SORCS2: variants seen among roughly 807,000 people sequenced by gnomAD.
SORCS2 encodes VPS10 domain-containing receptor SorCS2.
Under a neutral mutation model 141.6 loss-of-function variants are expected in SORCS2, and 100 were observed. The ratio of observed to expected loss-of-function variants is 0.71; its 90% CI spans 0.60 to 0.83. The LOEUF is 0.83. Among genes scored for constraint, SORCS2 ranks in the 40% least tolerant of loss-of-function variants. SORCS2 has a pLI of 0.00. For missense variants in SORCS2, 1,646 were observed against 1,560.2 expected, an observed-to-expected ratio of 1.05 and a Z score of -0.93; for synonymous variants, 789 against 676.9, an observed-to-expected ratio of 1.17 and a Z score of -2.57.
chr4:7,337,003 C>T (rs1243561022), intron 1 of SORCS2, among the ~76,000 whole-genome samples: 3 of 152,156 alleles, frequency 2.0e-5, no homozygotes, highest in East Asian at 1.9e-4. Context: ...AGCTGACTTA[C>T]GTCAGAGTGC....
chr4:7,502,367 T>C (rs539238088), intron 2 of SORCS2, among the ~76,000 whole-genome samples: 5 of 152,284 alleles, frequency 3.3e-5, no homozygotes, highest in South Asian at 4.1e-4. Flanking sequence ...ATGGGGCTGA[T>C]TGATGATTCT....
At chr4:7,681,347 C>T (rs1723514846) in intron 9 of SORCS2, among the ~76,000 whole-genome samples, 1 of 152,098 alleles carries the variant, frequency 6.6e-6, no homozygotes, top group African/African-American at 2.4e-5. Flanking sequence ...GGATCCTTAA[C>T]ATTGGAAGAG....
intron 1 of SORCS2, among the ~76,000 whole-genome samples, chr4:7,319,705 C>T (rs576818000): frequency 7.0e-4 from 107 of 152,212 alleles, no homozygotes; most frequent in African/African-American, 2.1e-3. Context: ...CAAAGTAAGA[C>T]CCCACCTCTA....
chr4:7,303,791 G>C (rs1485434902), intron 1 of SORCS2, among the ~76,000 whole-genome samples: 1 of 152,252 alleles, frequency 6.6e-6, no homozygotes, highest in Non-Finnish European at 1.5e-5. Context: ...AGCGCAGGAC[G>C]CAGACCTCGG....
intron 3 of SORCS2, among the ~76,000 whole-genome samples, chr4:7,624,487 T>C (rs1719398486): frequency 6.6e-6 from 1 of 152,248 alleles, no homozygotes; most frequent in Non-Finnish European, 1.5e-5. Flanking sequence ...GCCACAATAC[T>C]ATCTTGGCTT....
intron 12 of SORCS2, among the ~76,000 whole-genome samples, chr4:7,702,271 G>A (rs558932912): frequency 6.6e-6 from 1 of 152,344 alleles, no homozygotes; most frequent in East Asian, 1.9e-4. Context: ...CACTTTCGAG[G>A]AGGGGCGGTA....
intron 1 of SORCS2, among the ~76,000 whole-genome samples, chr4:7,291,606 G>T (rs920908971): frequency 2.0e-5 from 3 of 152,160 alleles, no homozygotes; most frequent in Admixed American, 2.0e-4. Context: ...GTCAGTGCTC[G>T]GTCAACTGCA....
Position 7,193,209 on chromosome 4 carries a change from C to T in SORCS2, c.480+83C>T. 1 of 1,356,738 alleles carries T rather than the reference C, an allele frequency of 7.4e-7. No individual in the cohort carries two copies. Among genetic ancestry groups the T allele is most frequent in the Non-Finnish European group, 9.5e-7 (1 of 1,056,742 alleles). The allele number at this position is 1,356,738 out of a possible 1,614,324, so 84.0% of individuals were successfully genotyped here. On this transcript the variant is annotated intron_variant, in intron 1 of 26. Transcript: ENST00000507866. The surrounding 1 kb of genome is among the most constrained non-coding windows in gnomAD (Gnocchi z 4.8). Reference sequence around the variant, plus strand: ...GGCGGGACCGCCACGGCCCCCACCCCAGATCCCCACTATGGTCATCAGGGG... The same window carrying T: ...GGCGGGACCGCCACGGCCCCCACCCTAGATCCCCACTATGGTCATCAGGGG...
intron 4 of SORCS2, among the ~76,000 whole-genome samples, chr4:7,653,776 C>T (rs1721581280): frequency 6.6e-6 from 1 of 152,210 alleles, no homozygotes; most frequent in South Asian, 2.1e-4. Flanking sequence ...CTGCTCCAGC[C>T]CTGGCAACAC....
At chr4:7,517,011 G>A (rs1348496958) in intron 2 of SORCS2, among the ~76,000 whole-genome samples, 1 of 152,216 alleles carries the variant, frequency 6.6e-6, no homozygotes, top group Non-Finnish European at 1.5e-5. Context: ...GGTGTTGAAG[G>A]GACTCAACGA....
chr4:7,654,255 G>C, intron 5 of SORCS2, 48 bp downstream of exon 5: 1 of 1,538,534 alleles, frequency 6.5e-7, no homozygotes, highest in South Asian at 1.2e-5. Flanking sequence ...CAGCTCTGGT[G>C]AGAGCACTTC....
intron 1 of SORCS2, among the ~76,000 whole-genome samples, chr4:7,246,425 C>CCCGGGGCTTAAATGAACCCACACG (rs1713093659): frequency 6.6e-6 from 1 of 151,728 alleles, no homozygotes; most frequent in African/African-American, 2.4e-5. Flanking sequence ...ACACATCTCA[C>CCCGGGGCTTAAATGAACCCACACG]TCGGGGCTTA....
intron 3 of SORCS2, among the ~76,000 whole-genome samples, chr4:7,577,962 G>A (rs1715877900): frequency 6.6e-6 from 1 of 151,640 alleles, no homozygotes; most frequent in Non-Finnish European, 1.5e-5. Flanking sequence ...TACTGGCGAA[G>A]TCAGCTAGTG....
At chr4:7,327,062 G>C (rs543491679) in intron 1 of SORCS2, among the ~76,000 whole-genome samples, 32 of 152,328 alleles carry the variant, frequency 2.1e-4, no homozygotes, top group African/African-American at 7.7e-4. Context: ...GCTCTCCCCT[G>C]TCCCTGTTCT....
chr4:7,480,035 G>T (rs1352371380), intron 2 of SORCS2, among the ~76,000 whole-genome samples: 1 of 152,218 alleles, frequency 6.6e-6, no homozygotes, highest in Non-Finnish European at 1.5e-5. Flanking sequence ...CTCGCCATGT[G>T]GCTGAGCCTG....
At chr4:7,527,584 C>T (rs148781373) in intron 2 of SORCS2, among the ~76,000 whole-genome samples, 118 of 152,268 alleles carry the variant, frequency 7.7e-4, no homozygotes, top group African/African-American at 2.6e-3. Context: ...CTGTAAGACC[C>T]CCTGCAGACT....
At position 7,741,605 on chromosome 4, in the gene SORCS2, G is replaced by C. The variant is rs1016174411; in HGVS notation, c.*1341G>C. Reference sequence around the variant, plus strand: ...CCCTGGCTGGTGATGTGCTGGCTGGGGGTGAATCCCAATGAGGGTCCCTCT... The same window carrying C: ...CCCTGGCTGGTGATGTGCTGGCTGGCGGTGAATCCCAATGAGGGTCCCTCT... On this transcript the variant is annotated 3_prime_UTR_variant, in exon 27 of 27. Transcript: ENST00000507866. The C allele has an allele frequency of 4.9e-6, 1 of 202,470 alleles. No homozygotes were observed. Among genetic ancestry groups the C allele is most frequent in the Non-Finnish European group, 9.8e-6 (1 of 102,360 alleles). 12.5% of individuals were successfully genotyped at this position (202,470 alleles called of 1,614,324 possible).
intron 1 of SORCS2, among the ~76,000 whole-genome samples, chr4:7,273,517 C>T (rs1334067897): frequency 1.3e-5 from 2 of 152,178 alleles, no homozygotes; most frequent in Non-Finnish European, 2.9e-5. Flanking sequence ...GAGAGAGACT[C>T]AGGTGTGCCC....
chr4:7,587,616 G>A (rs1716624129), intron 3 of SORCS2, among the ~76,000 whole-genome samples: 1 of 152,222 alleles, frequency 6.6e-6, no homozygotes, highest in African/African-American at 2.4e-5. Flanking sequence ...AGGCCACCTG[G>A]AGTCGCCTCT....
Sources: allele counts gnomAD v4.1 joint callset (sites outside exome capture counted in the v4.1 genomes callset), GRCh38; gene constraint gnomAD v4.1.1; non-coding constraint Gnocchi (gnomAD v3.1); transcripts MANE v1.5; gene names NCBI Gene and HGNC (gene_info 2026-07-23, HGNC 2026-07-21).